Variants in MEGF10 observed in about 807,000 individuals in gnomAD.
MEGF10 encodes the protein multiple epidermal growth factor-like domains protein 10.
In MEGF10, 86 loss-of-function variants were observed where a neutral mutation model predicts 147.5. The observed-to-expected ratio is 0.58, with a 90% CI of 0.49 to 0.70. The LOEUF (loss-of-function observed/expected upper bound fraction) is 0.70, where lower values mean the gene tolerates loss of function less well. Among genes scored for constraint, MEGF10 ranks in the 30% least tolerant of loss-of-function variants. MEGF10 has a pLI of 0.00. For synonymous variants in MEGF10, 478 were observed against 525.5 expected, an observed-to-expected ratio of 0.91 and a Z score of 1.24; for missense variants, 1,329 against 1,487.3, an observed-to-expected ratio of 0.89 and a Z score of 1.75.
the MEGF10 span, among the ~76,000 whole-genome samples, chr5:127,245,543 C>T: frequency 2.0e-5 from 3 of 152,138 alleles, no homozygotes; most frequent in Non-Finnish European, 4.4e-5. Context: ...AGGACATAGG[C>T]ATGGGCAAAG....
At chr5:127,316,785 G>A (rs867085083) in intron 1 of MEGF10, among the ~76,000 whole-genome samples, 13 of 152,210 alleles carry the variant, frequency 8.5e-5, no homozygotes, top group Middle Eastern at 3.4e-3. Context: ...AGAGATGAGC[G>A]GTGTGGTGTG....
intron 2 of MEGF10, among the ~76,000 whole-genome samples, chr5:127,333,892 A>C (rs764919222): frequency 6.6e-6 from 1 of 152,168 alleles, no homozygotes; most frequent in East Asian, 1.9e-4. Flanking sequence ...AAACTCTAAA[A>C]TGCTCATGAA....
At chr5:127,284,397 A>G in the MEGF10 span, among the ~76,000 whole-genome samples, 1 of 151,986 alleles carries the variant, frequency 6.6e-6, no homozygotes, top group African/African-American at 2.4e-5. Flanking sequence ...TTCAGTGTAG[A>G]TTTTCAGTGA....
the MEGF10 span, among the ~76,000 whole-genome samples, chr5:127,266,038 T>G: frequency 0.048 from 7,285 of 151,502 alleles, 289 homozygotes; most frequent in African/African-American, 0.11. Context: ...TTCTTCTAGG[T>G]TTTTTATGGT....
At chr5:127,310,490 T>C (rs1760241547) in intron 1 of MEGF10, among the ~76,000 whole-genome samples, 3 of 152,152 alleles carry the variant, frequency 2.0e-5, no homozygotes, top group Admixed American at 2.0e-4. Context: ...TGCCAATTGC[T>C]TTTAGATTTT....
chr5:127,385,941 CA>C (rs1316552709), intron 5 of MEGF10, among the ~76,000 whole-genome samples: 1 of 151,932 alleles, frequency 6.6e-6, no homozygotes, highest in African/African-American at 2.4e-5. Context: ...CTTGTCTCTA[CA>C]AAATATTTTT....
chr5:127,241,777 A>T, the MEGF10 span, among the ~76,000 whole-genome samples: 4 of 152,122 alleles, frequency 2.6e-5, no homozygotes, highest in African/African-American at 9.7e-5. Context: ...GGGATTGTAC[A>T]GTTTTGGTAC....
intron 1 of MEGF10, among the ~76,000 whole-genome samples, chr5:127,325,242 G>A (rs1050344163): frequency 6.6e-6 from 1 of 152,038 alleles, no homozygotes; most frequent in Non-Finnish European, 1.5e-5. Context: ...ATCTCTAAAC[G>A]GACTCATTTG....
the MEGF10 span, among the ~76,000 whole-genome samples, chr5:127,247,506 A>C: frequency 4.0e-5 from 6 of 150,826 alleles, no homozygotes; most frequent in South Asian, 2.1e-4. Context: ...AGAATCTATG[A>C]AGTAAGACAG....
At chr5:127,435,137 A>G (rs1458102712) in intron 15 of MEGF10, among the ~76,000 whole-genome samples, 2 of 152,216 alleles carry the variant, frequency 1.3e-5, no homozygotes, top group Admixed American at 6.5e-5. Context: ...TCATATTTCT[A>G]GAAGTGCAAT....
At chr5:127,275,735 T>C in the MEGF10 span, among the ~76,000 whole-genome samples, 2 of 152,184 alleles carry the variant, frequency 1.3e-5, no homozygotes, top group Non-Finnish European at 1.5e-5. Flanking sequence ...TGAGTGTCAA[T>C]AGACAAATCC....
At chr5:127,413,085 C>T (rs1479476414) in intron 9 of MEGF10, among the ~76,000 whole-genome samples, 1 of 152,054 alleles carries the variant, frequency 6.6e-6, no homozygotes, top group Admixed American at 6.5e-5. Context: ...TTCAACATAC[C>T]CCACCTCTCG....
At chr5:127,334,641 T>A (rs1292347448) in intron 2 of MEGF10, among the ~76,000 whole-genome samples, 1 of 152,200 alleles carries the variant, frequency 6.6e-6, no homozygotes, top group Non-Finnish European at 1.5e-5. Context: ...AAAGGAACTC[T>A]GTACAGTGTC....
At chr5:127,312,035 T>G (rs1760310477) in intron 1 of MEGF10, among the ~76,000 whole-genome samples, 1 of 152,150 alleles carries the variant, frequency 6.6e-6, no homozygotes, top group Non-Finnish European at 1.5e-5. Context: ...ACTCCTAATT[T>G]TAATGTGTGC....
At chr5:127,434,905 T>G in intron 15 of MEGF10, 84 bp downstream of exon 15, 3 of 1,483,252 alleles carry the variant, frequency 2.0e-6, no homozygotes, top group Non-Finnish European at 2.7e-6. Context: ...TTGGCCTTCC[T>G]GAAGGCCATG....
intron 2 of MEGF10, among the ~76,000 whole-genome samples, chr5:127,336,030 G>T (rs540188654): frequency 1.1e-3 from 120 of 108,614 alleles, no homozygotes; most frequent in African/African-American, 3.9e-3. Context: ...TCTGACCGAT[G>T]ATAATTAGGC....
At chr5:127,389,202 T>C (rs1036265651) in intron 5 of MEGF10, among the ~76,000 whole-genome samples, 3 of 152,196 alleles carry the variant, frequency 2.0e-5, no homozygotes, top group African/African-American at 7.2e-5. Flanking sequence ...CTCTATGTGC[T>C]TGTCATAATT....
At chr5:127,292,548 T>A (rs1282001783) in intron 1 of MEGF10, among the ~76,000 whole-genome samples, 1 of 152,254 alleles carries the variant, frequency 6.6e-6, no homozygotes, top group Non-Finnish European at 1.5e-5. Context: ...TAAGCTTCAC[T>A]ACCACCTATT....
chr5:127,296,905 G>T (rs1759526983), intron 1 of MEGF10, among the ~76,000 whole-genome samples: 4 of 152,010 alleles, frequency 2.6e-5, no homozygotes. Context: ...TATGTGACTT[G>T]GTTCTTTAAA....
Sources: allele counts gnomAD v4.1 joint callset (sites outside exome capture counted in the v4.1 genomes callset), GRCh38; gene constraint gnomAD v4.1.1; transcripts MANE v1.5; gene names NCBI Gene and HGNC (gene_info 2026-07-23, HGNC 2026-07-21).